The following TMEM266 variants were observed in gnomAD, a reference collection of about 807,000 sequenced individuals.
The protein encoded by TMEM266 is Hv1 related protein 1.
In TMEM266, 33 loss-of-function variants were observed where a neutral mutation model predicts 50.5. The observed-to-expected ratio is 0.65, with a 90% CI of 0.50 to 0.87. TMEM266 has a LOEUF of 0.87. Among genes scored for constraint, TMEM266 ranks in the 40% least tolerant of loss-of-function variants. The pLI is 0.00. For synonymous variants in TMEM266, 310 were observed against 292.3 expected, an observed-to-expected ratio of 1.06 and a Z score of -0.62; for missense variants, 655 against 695.1, an observed-to-expected ratio of 0.94 and a Z score of 0.65.
intron 8 of TMEM266, among the ~76,000 whole-genome samples, chr15:76,191,254 G>T (rs1353349394): frequency 6.6e-6 from 1 of 152,264 alleles, no homozygotes; most frequent in African/African-American, 2.4e-5. Flanking sequence ...AATAATATCA[G>T]AAGGTGATAA....
chr15:76,194,895 G>A (rs985069066), intron 9 of TMEM266, among the ~76,000 whole-genome samples: 1 of 152,146 alleles, frequency 6.6e-6, no homozygotes, highest in African/African-American at 2.4e-5. Flanking sequence ...GCTTCAACAT[G>A]TGAATGAAGA....
chr15:76,159,116 C>T (rs942642720), intron 4 of TMEM266, among the ~76,000 whole-genome samples: 7 of 152,194 alleles, frequency 4.6e-5, no homozygotes, highest in Non-Finnish European at 7.3e-5. Context: ...TGCCTCTCAC[C>T]CCCTCTCAGC....
At chr15:76,088,689 C>T (rs969113687) in intron 1 of TMEM266, among the ~76,000 whole-genome samples, 1 of 151,764 alleles carries the variant, frequency 6.6e-6, no homozygotes. Context: ...CCCAGCTACT[C>T]GGGAGGCTGA....
At chr15:76,097,772 C>G (rs2142001883) in intron 1 of TMEM266, among the ~76,000 whole-genome samples, 1 of 152,080 alleles carries the variant, frequency 6.6e-6, no homozygotes, top group South Asian at 2.1e-4. Flanking sequence ...TTCACATAGT[C>G]CCATATTTCT....
chr15:76,170,337 C>T (rs1170641844), intron 6 of TMEM266, among the ~76,000 whole-genome samples: 2 of 152,174 alleles, frequency 1.3e-5, no homozygotes, highest in African/African-American at 4.8e-5. Flanking sequence ...GCAAGGCGGC[C>T]AGATCTGCTG....
At chr15:76,073,815 G>A (rs1014662535) in intron 1 of TMEM266, among the ~76,000 whole-genome samples, 1 of 152,210 alleles carries the variant, frequency 6.6e-6, no homozygotes, top group Non-Finnish European at 1.5e-5. Flanking sequence ...TGTGTGGCAT[G>A]ATTGGCCTGT....
At chr15:76,152,696 TTTCTCACTGAGGC>T in intron 3 of TMEM266, among the ~76,000 whole-genome samples, 1 of 112,400 alleles carries the variant, frequency 8.9e-6, no homozygotes, top group Non-Finnish European at 2.3e-5. Context: ...CACATGTCGC[TTTCTCACTGAGGC>T]CTGCTCTGAC....
chr15:76,115,958 T>TGTTTTTACTGGTGTCA lies in TMEM266; in HGVS notation c.-96-18209_-96-18208insTTTTTACTGGTGTCAG, dbSNP rs1158901963. On this transcript the variant is annotated intron_variant, in intron 1 of 10. Transcript: ENST00000388942. The stretch of plus-strand genomic sequence containing the variant: ...TTTTACTGGAGCAGTGCTCAGCAGA[T>TGTTTTTACTGGTGTCA]GCTCGGTGTTGCTGACTTTCTAGGC... Among the ~76,000 whole-genome samples, 73 of 152,314 alleles carry TGTTTTTACTGGTGTCA rather than the reference T, an allele frequency of 4.8e-4. 1 individual carries two copies. In the South Asian group the frequency reaches 0.01, roughly 22 times the overall value.
At position 76,141,732 on chromosome 15, in the gene TMEM266, T is replaced by C. The variant is rs2037682271; in HGVS notation, c.227+3837T>C. On this transcript the variant is annotated intron_variant, in intron 3 of 10. Transcript: ENST00000388942. ...TAGAAACTCTATACCCAGTAAACAG[T>C]AGCTTCCTGTTCCCCCACTCCTCCA... Among the ~76,000 whole-genome samples, 4 of 152,152 alleles carry C rather than the reference T, an allele frequency of 2.6e-5. 1 individual carries two copies. The South Asian group carries it at 8.3e-4, about 31-fold the overall frequency.
intron 1 of TMEM266, among the ~76,000 whole-genome samples, chr15:76,116,952 T>A (rs4886479): frequency 6.8e-6 from 1 of 147,232 alleles, no homozygotes. Flanking sequence ...CAGGCTGGAG[T>A]GCAGTGGCAT....
In TMEM266 at chr15:76,171,147, G is replaced by C. The variant is rs138682771; in HGVS notation, c.652+16G>C. 1.3e-3 allele frequency: 2,101 copies of C among 1,612,742 alleles called. 2 individuals are homozygous for C. Among genetic ancestry groups the C allele is most frequent in the South Asian group, 3.4e-3 (308 of 90,928 alleles). ...GTCATTGATGGTGAGTGGCCCGAGG[G>C]GGGTGTGGTCAGTGGGGCTGCTCCA... On this transcript the variant is annotated intron_variant, in intron 7 of 10. Coordinates refer to ENST00000388942, the MANE Select transcript of TMEM266 (RefSeq NM_152335.3).
chr15:76,162,404 A>C (rs1182209013), intron 5 of TMEM266, among the ~76,000 whole-genome samples: 3 of 152,188 alleles, frequency 2.0e-5, no homozygotes, highest in Non-Finnish European at 4.4e-5. Flanking sequence ...CCATGTCAGA[A>C]CCTTGTTACT....
At chr15:76,103,310 C>G (rs967790655) in intron 1 of TMEM266, among the ~76,000 whole-genome samples, 6 of 149,926 alleles carry the variant, frequency 4.0e-5, no homozygotes, top group Admixed American at 2.7e-4. Flanking sequence ...CAAGAACAGC[C>G]TGGGCAAAGT....
chr15:76,060,838 C>T (rs576727792), intron 1 of TMEM266, among the ~76,000 whole-genome samples: 1 of 152,194 alleles, frequency 6.6e-6, no homozygotes, highest in African/African-American at 2.4e-5. Flanking sequence ...TCACAGTCAC[C>T]AATACTGAGC....
chr15:76,083,085 C>T (rs1485378133), intron 1 of TMEM266, among the ~76,000 whole-genome samples: 1 of 152,114 alleles, frequency 6.6e-6, no homozygotes, highest in African/African-American at 2.4e-5. Flanking sequence ...ACCCCCATGA[C>T]CCAAGCACCT....
intron 1 of TMEM266, among the ~76,000 whole-genome samples, chr15:76,087,871 C>G (rs1475867932): frequency 6.6e-6 from 1 of 152,180 alleles, no homozygotes; most frequent in Non-Finnish European, 1.5e-5. Flanking sequence ...TCCTAAGCCC[C>G]CCTCAAACCT....
chr15:76,130,417 T>G (rs1596123393), intron 1 of TMEM266, among the ~76,000 whole-genome samples: 1 of 152,124 alleles, frequency 6.6e-6, no homozygotes, highest in African/African-American at 2.4e-5. Flanking sequence ...GGCACACGCC[T>G]GTAATCCCAG....
At chr15:76,135,941 G>GT (rs2037580652) in intron 2 of TMEM266, among the ~76,000 whole-genome samples, 2 of 144,280 alleles carry the variant, frequency 1.4e-5, no homozygotes, top group South Asian at 2.6e-4. Flanking sequence ...TGCAGCTGTG[G>GT]GTTTTTTTTT....
Position 76,137,677 on chromosome 15 carries a change from C to CT in TMEM266, c.39-27dup. On this transcript the variant is annotated intron_variant, in intron 2 of 10. Coordinates refer to ENST00000388942, the MANE Select transcript of TMEM266 (RefSeq NM_152335.3). ...AATTTTTTGGCCCTTGAAGATAACTCTTTCCCATTGTTCCTCCTCTCCAAC... is the reference window on the plus strand; with the variant it reads ...AATTTTTTGGCCCTTGAAGATAACTCTTTTCCCATTGTTCCTCCTCTCCAAC... The CT allele has an allele frequency of 1.9e-6, 3 of 1,608,440 alleles. No homozygotes were observed. The South Asian group carries it at 3.3e-5, about 18-fold the overall frequency.
Sources: allele counts gnomAD v4.1 joint callset (sites outside exome capture counted in the v4.1 genomes callset), GRCh38; gene constraint gnomAD v4.1.1; transcripts MANE v1.5; gene names NCBI Gene and HGNC (gene_info 2026-07-23, HGNC 2026-07-21).